Variants in PTPRD observed in about 807,000 individuals in gnomAD.
PTPRD encodes receptor-type tyrosine-protein phosphatase delta.
A neutral mutation model predicts 214.5 loss-of-function variants in PTPRD; 34 were observed. The ratio of observed to expected loss-of-function variants is 0.16; its 90% CI spans 0.12 to 0.21. The LOEUF is 0.21. Ranked by LOEUF, PTPRD falls within the 10% of genes least tolerant of loss-of-function variation. The probability of loss-of-function intolerance (pLI) is 1.00; values close to 1 mark genes in which losing one functional copy is unlikely to be tolerated. For synonymous variants in PTPRD, 1,128 were observed against 845.7 expected (o/e 1.33, Z -5.79); for missense variants, 2,545 against 2,398.7 (o/e 1.06, Z -1.27).
chr9:8,321,376 A>T (rs1478541216), intron 44 of PTPRD, among the ~76,000 whole-genome samples: 1 of 150,878 alleles, frequency 6.6e-6, no homozygotes, highest in Non-Finnish European at 1.5e-5. Flanking sequence ...TACTGGTTTT[A>T]TCATCTTACT....
At chr9:9,829,709 ATTCTTTATTTT>A (rs1337609589) in intron 5 of PTPRD, among the ~76,000 whole-genome samples, 1 of 151,800 alleles carries the variant, frequency 6.6e-6, no homozygotes, top group Non-Finnish European at 1.5e-5. Context: ...GCAGATTACA[ATTCTTTATTTT>A]TTCTTTATTT....
chr9:8,646,878 A>G (rs1228308206), intron 12 of PTPRD, among the ~76,000 whole-genome samples: 21 of 152,208 alleles, frequency 1.4e-4, no homozygotes, highest in Non-Finnish European at 8.8e-5. Context: ...CCCAGATACT[A>G]TCCCCTAATC....
intron 8 of PTPRD, among the ~76,000 whole-genome samples, chr9:9,472,617 T>C (rs923647562): frequency 6.6e-6 from 1 of 152,170 alleles, no homozygotes; most frequent in Non-Finnish European, 1.5e-5. Context: ...AAAAATAGGC[T>C]AAAATAATGA....
At position 9,176,996 on chromosome 9, in the gene PTPRD, A is replaced by G. The variant is rs535539949; in HGVS notation, c.-143+6308T>C. ...TCTTAGTAGTTTTTTCTGTCTGTAT[A>G]TCCTAATGCCCACTTGTATTAATTC... On this transcript the variant is annotated intron_variant, in intron 10 of 45. Coordinates refer to ENST00000381196, the MANE Select transcript of PTPRD (RefSeq NM_002839.4). 5.3e-5 allele frequency among the ~76,000 whole-genome samples: 8 copies of G among 152,258 alleles called. No homozygotes were observed. In the South Asian group the frequency reaches 1.7e-3, roughly 32 times the overall value.
intron 11 of PTPRD, among the ~76,000 whole-genome samples, chr9:8,827,887 G>C (rs147766826): frequency 1.3e-5 from 2 of 152,142 alleles, no homozygotes; most frequent in Non-Finnish European, 2.9e-5. Context: ...ATGTGGATGA[G>C]TATCTTCTCT....
intron 7 of PTPRD, among the ~76,000 whole-genome samples, chr9:9,725,661 T>C (rs2098075837): frequency 6.6e-6 from 1 of 152,214 alleles, no homozygotes; most frequent in African/African-American, 2.4e-5. Flanking sequence ...TTTGTAATTA[T>C]TCAACTACAT....
intron 12 of PTPRD, among the ~76,000 whole-genome samples, chr9:8,638,470 G>A (rs2096496371): frequency 6.6e-6 from 1 of 152,036 alleles, no homozygotes; most frequent in African/African-American, 2.4e-5. Flanking sequence ...CCATTTCTTG[G>A]TATGACATAT....
intron 36 of PTPRD, among the ~76,000 whole-genome samples, chr9:8,401,131 C>A (rs865794818): frequency 1.5e-4 from 22 of 151,532 alleles, no homozygotes; most frequent in African/African-American, 5.3e-4. Context: ...CAAGTATTAG[C>A]TTCCATTTGG....
intron 2 of PTPRD, among the ~76,000 whole-genome samples, chr9:10,526,475 A>G (rs1361385095): frequency 6.6e-6 from 1 of 152,114 alleles, no homozygotes; most frequent in Non-Finnish European, 1.5e-5. Context: ...ATAAATAAGT[A>G]AAAGGATGTA....
At chr9:10,529,216 T>A (rs973426155) in intron 2 of PTPRD, among the ~76,000 whole-genome samples, 1 of 152,146 alleles carries the variant, frequency 6.6e-6, no homozygotes, top group Non-Finnish European at 1.5e-5. Context: ...ATCTCATTAC[T>A]GGGTATATAC....
chr9:8,842,415 G>C (rs977328313), intron 11 of PTPRD, among the ~76,000 whole-genome samples: 3 of 152,060 alleles, frequency 2.0e-5, no homozygotes, highest in East Asian at 1.9e-4. Context: ...TAAAAGTTAG[G>C]GTATACAAGG....
At chr9:10,229,056 G>A (rs1351482174) in intron 3 of PTPRD, among the ~76,000 whole-genome samples, 1 of 151,862 alleles carries the variant, frequency 6.6e-6, no homozygotes, top group Non-Finnish European at 1.5e-5. Flanking sequence ...TGTAAGCAAT[G>A]ACTGTGATAT....
chr9:10,362,757 G>A (rs544969039), intron 2 of PTPRD, among the ~76,000 whole-genome samples: 1 of 152,240 alleles, frequency 6.6e-6, no homozygotes, highest in African/African-American at 2.4e-5. Context: ...TCACGTGCCT[G>A]TAATCCCAGC....
intron 9 of PTPRD, among the ~76,000 whole-genome samples, chr9:9,192,081 C>A (rs915948283): frequency 1.3e-5 from 2 of 151,926 alleles, no homozygotes; most frequent in African/African-American, 4.8e-5. Context: ...GAGACTGGGA[C>A]TTTCAGGCTA....
intron 9 of PTPRD, among the ~76,000 whole-genome samples, chr9:9,200,698 C>T (rs1382568314): frequency 6.6e-6 from 1 of 152,162 alleles, no homozygotes; most frequent in Non-Finnish European, 1.5e-5. Context: ...CAGAGATCTG[C>T]TAAAAGTGGA....
chr9:9,946,071 C>CCCTTTCCCACTTGGGAAAGTCATT (rs2092510078), intron 4 of PTPRD, among the ~76,000 whole-genome samples: 1 of 152,148 alleles, frequency 6.6e-6, no homozygotes. Flanking sequence ...GGAAAGTCAT[C>CCCTTTCCCACTTGGGAAAGTCATT]CTTCACTTTC....
rs959677704 is a variant in PTPRD, at chr9:8,994,660, G to C, written c.-104+24037C>G. Among the ~76,000 whole-genome samples, 4 of 151,954 alleles carry C rather than the reference G, an allele frequency of 2.6e-5. No individual in the cohort carries two copies. In the East Asian group the frequency reaches 7.7e-4, roughly 29 times the overall value. On this transcript the variant is annotated intron_variant, in intron 11 of 45. Coordinates refer to ENST00000381196, the MANE Select transcript of PTPRD (RefSeq NM_002839.4). Reference sequence around the variant, plus strand: ...ATTAAGACAATTACAATTACGGTTGGAGGGGGGGTGTTGTTTGTTTTTGTA... The same window carrying C: ...ATTAAGACAATTACAATTACGGTTGCAGGGGGGGTGTTGTTTGTTTTTGTA...
At position 8,325,411 on chromosome 9, in the gene PTPRD, G is replaced by C. The variant is rs538951364; in HGVS notation, c.5535-5445C>G. Among the ~76,000 whole-genome samples the C allele has an allele frequency of 2.7e-4, 40 of 149,098 alleles. 1 individual carries two copies. Among genetic ancestry groups the C allele is most frequent in the African/African-American group, 9.3e-4 (38 of 40,840 alleles). Reference sequence around the variant, plus strand: ...AAGATAAGATGTTTGCAGATGTGTGGTGTTACTTCTGAGGCCTCTGTTCTG... The same window carrying C: ...AAGATAAGATGTTTGCAGATGTGTGCTGTTACTTCTGAGGCCTCTGTTCTG... On this transcript the variant is annotated intron_variant, in intron 44 of 45. Transcript: ENST00000381196.
chr9:9,088,148 C>T (rs1431427879), intron 10 of PTPRD, among the ~76,000 whole-genome samples: 1 of 151,100 alleles, frequency 6.6e-6, no homozygotes, highest in Admixed American at 6.6e-5. Context: ...TTCCAAAGTG[C>T]TAGGATTACA....
Sources: allele counts gnomAD v4.1 joint callset (sites outside exome capture counted in the v4.1 genomes callset), GRCh38; gene constraint gnomAD v4.1.1; transcripts MANE v1.5; gene names NCBI Gene and HGNC (gene_info 2026-07-23, HGNC 2026-07-21).